The following PIK3C2B variants were observed in gnomAD, a reference collection of about 807,000 sequenced individuals.
PIK3C2B encodes phosphatidylinositol-4-phosphate 3-kinase catalytic subunit type 2 beta.
Under a neutral mutation model 184.3 loss-of-function variants are expected in PIK3C2B, and 83 were observed. The observed-to-expected ratio is 0.45, with a 90% confidence interval of 0.38 to 0.54. PIK3C2B has a LOEUF of 0.54. Ranked by LOEUF, PIK3C2B falls within the 20% of genes least tolerant of loss-of-function variation. The pLI is 0.00. For missense variants in PIK3C2B, 1,736 were observed against 2,113.5 expected, an observed-to-expected ratio of 0.82 and a Z score of 3.50; for synonymous variants, 779 against 837.6, an observed-to-expected ratio of 0.93 and a Z score of 1.21.
chr1:204,426,092 C>T (rs1400878822), intron 31 of PIK3C2B, among the ~76,000 whole-genome samples: 2 of 152,234 alleles, frequency 1.3e-5, no homozygotes, highest in Admixed American at 1.3e-4. Flanking sequence ...ATTTGGTCCA[C>T]TTAACCCCTA....
At chr1:204,493,524 A>AACACACACACACACACACACAC (rs3038310) in intron 1 of PIK3C2B, among the ~76,000 whole-genome samples, 1,950 of 143,924 alleles carry the variant, frequency 0.014, 26 homozygotes, top group South Asian at 0.021. Flanking sequence ...AATGGCAGAA[A>AACACACACACACACACACACAC]ACACACACAC....
chr1:204,443,734 G>T, intron 18 of PIK3C2B, 137 bp from the exon 19 acceptor site: 1 of 747,358 alleles, frequency 1.3e-6, no homozygotes, highest in Non-Finnish European at 2.3e-6. Context: ...CATTCTGTAT[G>T]TACGGCTCAT....
intron 12 of PIK3C2B, 75 bp downstream of exon 12, chr1:204,454,594 C>T (rs1419608606): frequency 6.6e-7 from 1 of 1,510,774 alleles, no homozygotes; most frequent in Non-Finnish European, 9.0e-7. Flanking sequence ...GACTAGTTAT[C>T]TGGCCCCAGG....
rs763686170 is a variant in PIK3C2B, at chr1:204,446,052, G to C, written c.2582C>G (p.Pro861Arg). The C allele has an allele frequency of 6.2e-7, 1 of 1,602,592 alleles. No homozygotes were observed. Among genetic ancestry groups the C allele is most frequent in the Non-Finnish European group, 8.5e-7 (1 of 1,172,306 alleles). ...AGGCAGGCAAGCCCACTCCCAGCTG[G>C]GGGCGCTGGCGAGCACCAGGGGGAG... ...SSLPLVLASA[P>R]SWEWACLPDI... is the part of the protein sequence containing the mutation. The change falls in exon 16 of 33, where the codon CCC (proline) becomes CGC (arginine). Residue 861 changes from proline (P) to arginine (R), a missense_variant. Pro to Arg is a moderately radical substitution (Grantham distance 103, BLOSUM62 -2). Coordinates refer to ENST00000684373, the MANE Select transcript of PIK3C2B (RefSeq NM_001377334.1).
intron 1 of PIK3C2B, among the ~76,000 whole-genome samples, chr1:204,476,212 G>T (rs1384277652): frequency 6.6e-6 from 1 of 152,148 alleles, no homozygotes; most frequent in Non-Finnish European, 1.5e-5. Context: ...TAGGAATCAG[G>T]GTTTCATGTT....
At chr1:204,455,452 C>A (rs991834697) in intron 11 of PIK3C2B, among the ~76,000 whole-genome samples, 5 of 152,274 alleles carry the variant, frequency 3.3e-5, no homozygotes, top group Middle Eastern at 3.4e-3. Context: ...TCCACCCACC[C>A]CTGCAGGCCT....
chr1:204,469,100 T>C lies in PIK3C2B; in HGVS notation c.703A>G (p.Ile235Val). 1 of 1,614,184 alleles carries C rather than the reference T, an allele frequency of 6.2e-7. No individual in the cohort carries two copies. Among genetic ancestry groups the C allele is most frequent in the Non-Finnish European group, 8.5e-7 (1 of 1,180,024 alleles). Residue 235 changes from isoleucine (I) to valine (V), a missense_variant, in exon 2 of 33, where the codon ATT (isoleucine) becomes GTT (valine). Transcript: ENST00000684373. The stretch of plus-strand genomic sequence containing the variant: ...GTCGATTTCAAGTTGAGCCTAGTAA[T>C]TGCATCATTGATACCATCATAGTCC... The part of the protein sequence containing the change: ...SVDYDGINDA[I>V]TRLNLKSTYD...
At chr1:204,475,299 G>A (rs1420141341) in intron 1 of PIK3C2B, among the ~76,000 whole-genome samples, 1 of 152,116 alleles carries the variant, frequency 6.6e-6, no homozygotes, top group African/African-American at 2.4e-5. Flanking sequence ...GGTTCAAATT[G>A]TTCCAATTTG....
chr1:204,441,468 C>T lies in PIK3C2B; in HGVS notation c.3249+3G>A, dbSNP rs1675657714. 1.3e-6 allele frequency: 2 copies of T among 1,599,782 alleles called. No homozygotes were observed. The highest frequency in any genetic ancestry group is 1.3e-5 in the African/African-American group (1 of 74,730). On this transcript the variant is annotated splice_donor_region_variant and intron_variant, in intron 21 of 32. Coordinates refer to ENST00000684373, the MANE Select transcript of PIK3C2B (RefSeq NM_001377334.1). The stretch of plus-strand genomic sequence containing the variant: ...CCACCAGGCTTGAGTAAAGTATTCT[C>T]ACCTTGAAGATGACACGGATGTTCT...
At chr1:204,464,397 T>G (rs1455667220) in intron 4 of PIK3C2B, 53 bp downstream of exon 4, 3 of 1,545,682 alleles carry the variant, frequency 1.9e-6, no homozygotes, top group Non-Finnish European at 2.7e-6. Flanking sequence ...AACACAGTCA[T>G]CCCCACCCCA....
chr1:204,449,772 G>A, intron 13 of PIK3C2B, 78 bp downstream of exon 13: 1 of 1,360,254 alleles, frequency 7.4e-7, no homozygotes, highest in South Asian at 1.5e-5. Context: ...GCACTGGCCA[G>A]TGCAGCAGCC....
chr1:204,445,584 A>G (rs1469573933), intron 16 of PIK3C2B, among the ~76,000 whole-genome samples: 2 of 143,558 alleles, frequency 1.4e-5, no homozygotes, highest in African/African-American at 5.1e-5. Flanking sequence ...CCTGGGTGAC[A>G]GAGCAAGACC....
chr1:204,424,710 C>T lies in PIK3C2B; in HGVS notation c.*142G>A, dbSNP rs777785152. On this transcript the variant is annotated 3_prime_UTR_variant, in exon 33 of 33. Transcript: ENST00000684373. Reference sequence around the variant, plus strand: ...CATGTCTTACTCTCCCTGCCTCCTACCACAGAGGCCAGAATCACCTGGACC... The same window carrying T: ...CATGTCTTACTCTCCCTGCCTCCTATCACAGAGGCCAGAATCACCTGGACC... 2.9e-5 allele frequency: 24 copies of T among 827,544 alleles called. No homozygotes were observed. Among genetic ancestry groups the T allele is most frequent in the Non-Finnish European group, 5.1e-5 (24 of 472,702 alleles). The allele number at this position is 827,544 out of a possible 1,614,324, so 51.3% of individuals were successfully genotyped here.
chr1:204,460,508 C>T, intron 6 of PIK3C2B, 42 bp downstream of exon 6: 10 of 1,570,858 alleles, frequency 6.4e-6, no homozygotes, highest in Non-Finnish European at 8.8e-6. Flanking sequence ...TCCCATTCCA[C>T]CTCCCCAGCC....
intron 18 of PIK3C2B, 47 bp downstream of exon 18, chr1:204,444,021 C>A (rs745406960): frequency 1.5e-6 from 2 of 1,291,560 alleles, no homozygotes; most frequent in Non-Finnish European, 1.1e-6. Flanking sequence ...AATACTCCTA[C>A]GTGAAAGACA....
In PIK3C2B at chr1:204,433,919, G is replaced by A; in HGVS notation, c.3717C>T (p.Asp1239=). 1.2e-6 allele frequency: 2 copies of A among 1,614,090 alleles called. No homozygotes were observed. Among genetic ancestry groups the A allele is most frequent in the Non-Finnish European group, 1.7e-6 (2 of 1,179,980 alleles). ...CACCCCCGTTGATGACATACGCCAT[G>A]TCCGAGGTGAAGACAAAGGGGGCAC... ...RDRAPFVFTS[D]MAYVINGGDK... Residue 1239 remains aspartate (D), a synonymous_variant, in exon 25 of 33, where the codon GAC becomes GAT. Coordinates refer to ENST00000684373, the MANE Select transcript of PIK3C2B (RefSeq NM_001377334.1). This position sits in a 1 kb window ranked among gnomAD's most constrained non-coding sequence, Gnocchi z 5.0.
intron 23 of PIK3C2B, among the ~76,000 whole-genome samples, chr1:204,438,701 A>C (rs1307184872): frequency 6.6e-6 from 1 of 152,218 alleles, no homozygotes; most frequent in Non-Finnish European, 1.5e-5. Flanking sequence ...AGGAGAACTC[A>C]GTGAAAGTTT....
intron 10 of PIK3C2B, 137 bp downstream of exon 10, chr1:204,456,900 A>ACACC (rs1558257193): frequency 4.7e-6 from 2 of 421,146 alleles, no homozygotes; most frequent in East Asian, 4.7e-5. Context: ...ACACACACAC[A>ACACC]CACACACCCA....
chr1:204,434,321 CCTGGGACCA>C, intron 24 of PIK3C2B, 109 bp downstream of exon 24: 1 of 885,430 alleles, frequency 1.1e-6, no homozygotes. Context: ...GCTGCTCAGC[CCTGGGACCA>C]TGATCTGAGG....
Sources: gnomAD v4.1 joint callset for allele counts (sites outside exome capture counted in the v4.1 genomes callset) on GRCh38, gnomAD v4.1.1 for gene constraint, Gnocchi (gnomAD v3.1) non-coding constraint, MANE v1.5 for transcripts, NCBI Gene and HGNC (gene_info 2026-07-23, HGNC 2026-07-21) for gene names.